Variants in FGF7 observed in about 807,000 individuals in gnomAD.
FGF7 encodes fibroblast growth factor 7.
In FGF7, 6 loss-of-function variants were observed where a neutral mutation model predicts 20.5. That is an observed-to-expected ratio of 0.29 (90% CI 0.16 to 0.58). The LOEUF is 0.58. Ranked by LOEUF, FGF7 falls within the 20% of genes least tolerant of loss-of-function variation. The probability of loss-of-function intolerance (pLI) is 0.90; values close to 1 mark genes in which losing one functional copy is unlikely to be tolerated. For synonymous variants in FGF7, 64 were observed against 74.7 expected, an observed-to-expected ratio of 0.86 and a Z score of 0.74; for missense variants, 144 against 228.8, an observed-to-expected ratio of 0.63 and a Z score of 2.39.
intron 2 of FGF7, among the ~76,000 whole-genome samples, chr15:49,429,437 G>A (rs1158657408): frequency 6.6e-6 from 1 of 151,906 alleles, no homozygotes; most frequent in Non-Finnish European, 1.5e-5. Flanking sequence ...TCATTGCCAC[G>A]AGTGCATCTC....
Position 49,483,704 on chromosome 15 carries a change from T to C in FGF7, c.390+450T>C, listed in dbSNP as rs1274394759. ...GGGCATTGAAATGTAATTATTCACA[T>C]TGTCCCCACTTCACTACAATGCAAA... is the stretch of plus-strand genomic sequence containing the variant. On this transcript the variant is annotated intron_variant, in intron 3 of 3. Transcript: ENST00000267843. 3.3e-5 allele frequency among the ~76,000 whole-genome samples: 5 copies of C among 152,164 alleles called. No individual in the cohort carries two copies. In the East Asian group the frequency reaches 7.7e-4, roughly 23 times the overall value.
At chr15:49,455,232 C>T (rs949874477) in intron 2 of FGF7, among the ~76,000 whole-genome samples, 3 of 152,168 alleles carry the variant, frequency 2.0e-5, no homozygotes, top group East Asian at 3.8e-4. Context: ...AGGCATTCTG[C>T]TAGGTGGTGA....
chr15:49,461,728 C>A (rs901731843), intron 2 of FGF7, among the ~76,000 whole-genome samples: 3 of 152,114 alleles, frequency 2.0e-5, no homozygotes, highest in African/African-American at 4.8e-5. Flanking sequence ...TTTTTATACT[C>A]CATTAAAACT....
At chr15:49,445,165 G>A (rs1008519455) in intron 2 of FGF7, among the ~76,000 whole-genome samples, 10 of 151,536 alleles carry the variant, frequency 6.6e-5, no homozygotes, top group African/African-American at 2.4e-4. Flanking sequence ...GTGTAGGTTT[G>A]TTACTTGGGT....
chr15:49,438,853 T>C (rs1287856242), intron 2 of FGF7, among the ~76,000 whole-genome samples: 2 of 144,562 alleles, frequency 1.4e-5, no homozygotes, highest in Non-Finnish European at 3.1e-5. Flanking sequence ...GAGTGGGTGG[T>C]AAGGTGAGAG....
At chr15:49,441,122 G>A (rs1415406235) in intron 2 of FGF7, among the ~76,000 whole-genome samples, 1 of 151,682 alleles carries the variant, frequency 6.6e-6, no homozygotes, top group Non-Finnish European at 1.5e-5. Flanking sequence ...ATTTGATTGG[G>A]TAGAACACAG....
At chr15:49,480,958 T>C (rs1318006205) in intron 2 of FGF7, among the ~76,000 whole-genome samples, 1 of 152,220 alleles carries the variant, frequency 6.6e-6, no homozygotes, top group Non-Finnish European at 1.5e-5. Context: ...TGTTTTACAA[T>C]TGTTCTGTAA....
chr15:49,476,232 G>GTTTTTTTTTTTTTTTTT lies in FGF7; in HGVS notation c.287-6906_287-6905insTTTTTTTTTTTTTTTTT. 1.4e-3 allele frequency among the ~76,000 whole-genome samples: 82 copies of GTTTTTTTTTTTTTTTTT among 57,444 alleles called. 13 individuals carry two copies. Among genetic ancestry groups the GTTTTTTTTTTTTTTTTT allele is most frequent in the Non-Finnish European group, 2.1e-3 (57 of 27,464 alleles). The allele number at this position is 57,444 out of a possible 152,430, so 37.7% of individuals were successfully genotyped here. Reference sequence around the variant, plus strand: ...TTGCTGTTTTGTTTTTTTGTTTTTGGTTTTTTTTTTTTTGCATTTGGCATA... The same window carrying GTTTTTTTTTTTTTTTTT: ...TTGCTGTTTTGTTTTTTTGTTTTTGGTTTTTTTTTTTTTTTTTTTTTTTTTTTTTTGCATTTGGCATA... On this transcript the variant is annotated intron_variant, in intron 2 of 3. Coordinates refer to ENST00000267843, the MANE Select transcript of FGF7 (RefSeq NM_002009.4).
At chr15:49,465,340 G>A (rs1486474917) in intron 2 of FGF7, among the ~76,000 whole-genome samples, 1 of 146,840 alleles carries the variant, frequency 6.8e-6, no homozygotes, top group African/African-American at 2.5e-5. Context: ...GTTTCACCAT[G>A]TTGGCCAGGC....
At chr15:49,443,498 G>A (rs1213381667) in intron 2 of FGF7, among the ~76,000 whole-genome samples, 2 of 151,638 alleles carry the variant, frequency 1.3e-5, no homozygotes, top group Admixed American at 6.6e-5. Context: ...ACATTTAAGC[G>A]AATGATACAA....
At chr15:49,449,129 A>G (rs2052492822) in intron 2 of FGF7, among the ~76,000 whole-genome samples, 1 of 151,984 alleles carries the variant, frequency 6.6e-6, no homozygotes, top group Admixed American at 6.6e-5. Flanking sequence ...TGATACCTTC[A>G]GTCTGTAGAG....
intron 2 of FGF7, among the ~76,000 whole-genome samples, chr15:49,455,529 A>G (rs1205918170): frequency 2.0e-5 from 3 of 152,210 alleles, no homozygotes; most frequent in Non-Finnish European, 2.9e-5. Flanking sequence ...TGAAAAAGAT[A>G]AGACAAATAC....
chr15:49,461,040 A>C (rs1198753634), intron 2 of FGF7, among the ~76,000 whole-genome samples: 1 of 152,022 alleles, frequency 6.6e-6, no homozygotes, highest in Non-Finnish European at 1.5e-5. Context: ...TGAAAATACT[A>C]CCCTTCATCC....
In FGF7 at chr15:49,464,902, C is replaced by T. The variant is rs1597371360; in HGVS notation, c.287-18249C>T. 1.3e-5 allele frequency among the ~76,000 whole-genome samples: 2 copies of T among 152,226 alleles called. 1 individual carries two copies. Among genetic ancestry groups the T allele is most frequent in the South Asian group, 4.1e-4 (2 of 4,820 alleles). ...GAATAAATGAATAACGTAAGACATA[C>T]ATGACATACCTAAAAAACATTTTGG... On this transcript the variant is annotated intron_variant, in intron 2 of 3. Coordinates refer to ENST00000267843, the MANE Select transcript of FGF7 (RefSeq NM_002009.4).
chr15:49,447,923 C>G (rs1461802874), intron 2 of FGF7, among the ~76,000 whole-genome samples: 1 of 151,656 alleles, frequency 6.6e-6, no homozygotes. Flanking sequence ...AATCCTCAGG[C>G]TCGTGTCCTT....
intron 2 of FGF7, among the ~76,000 whole-genome samples, chr15:49,439,884 G>A (rs2051472353): frequency 6.6e-6 from 1 of 151,752 alleles, no homozygotes; most frequent in Non-Finnish European, 1.5e-5. Flanking sequence ...GAAGCCATGA[G>A]ATCATAGAGT....
intron 2 of FGF7, among the ~76,000 whole-genome samples, chr15:49,439,968 G>C (rs553293226): frequency 6.6e-6 from 1 of 151,820 alleles, no homozygotes; most frequent in African/African-American, 2.4e-5. Flanking sequence ...ACAAATATTG[G>C]GGACAGGATT....
At chr15:49,469,493 T>G (rs113130137) in intron 2 of FGF7, among the ~76,000 whole-genome samples, 1 of 152,100 alleles carries the variant, frequency 6.6e-6, no homozygotes, top group Non-Finnish European at 1.5e-5. Context: ...CATGGCACAA[T>G]TTTTACTCCC....
chr15:49,448,507 A>C (rs1328600393), intron 2 of FGF7, among the ~76,000 whole-genome samples: 1 of 151,754 alleles, frequency 6.6e-6, no homozygotes, highest in Non-Finnish European at 1.5e-5. Context: ...TATTGTTTTA[A>C]AAAACTCCTA....
Sources: gnomAD v4.1 joint callset for allele counts (sites outside exome capture counted in the v4.1 genomes callset) on GRCh38, gnomAD v4.1.1 for gene constraint, MANE v1.5 for transcripts, NCBI Gene and HGNC (gene_info 2026-07-23, HGNC 2026-07-21) for gene names.